SGMS1: variants seen among roughly 807,000 people sequenced by gnomAD.
SGMS1 encodes phosphatidylcholine:ceramide cholinephosphotransferase 1.
A neutral mutation model predicts 46.2 loss-of-function variants in SGMS1; 13 were observed. The observed-to-expected ratio is 0.28, with a 90% CI of 0.18 to 0.45. The LOEUF (loss-of-function observed/expected upper bound fraction) is 0.45, where lower values mean the gene tolerates loss of function less well. Ranked by LOEUF, SGMS1 falls within the 20% of genes least tolerant of loss-of-function variation. The pLI is 1.00. For synonymous variants in SGMS1, 203 were observed against 187.8 expected (o/e 1.08, Z -0.66); for missense variants, 324 against 519.9 (o/e 0.62, Z 3.66).
chr10:50,573,359 C>A (rs908866297), intron 2 of SGMS1, among the ~76,000 whole-genome samples: 5 of 152,150 alleles, frequency 3.3e-5, no homozygotes, highest in Admixed American at 6.5e-5. Context: ...TAAATGAATT[C>A]AATACAAAAA....
intron 3 of SGMS1, among the ~76,000 whole-genome samples, chr10:50,499,876 CA>C (rs1213536802): frequency 2.6e-5 from 4 of 152,186 alleles, no homozygotes; most frequent in Non-Finnish European, 5.9e-5. Flanking sequence ...ATCTAAAAAA[CA>C]AGCTTGATCA....
At chr10:50,544,450 G>A (rs1838082824) in intron 2 of SGMS1, among the ~76,000 whole-genome samples, 2 of 152,222 alleles carry the variant, frequency 1.3e-5, no homozygotes, top group Non-Finnish European at 2.9e-5. Flanking sequence ...ACAAGTTTAA[G>A]AGCCTTCTTT....
chr10:50,361,285 G>A (rs969495678), intron 6 of SGMS1, among the ~76,000 whole-genome samples: 1 of 152,072 alleles, frequency 6.6e-6, no homozygotes, highest in African/African-American at 2.4e-5. Flanking sequence ...ACAGACGAAC[G>A]AGGTCACCCT....
rs756016668 is a variant in SGMS1 at position 50,308,022 on chromosome 10, G to A, written c.1022C>T (p.Thr341Met). Residue 341 changes from threonine (T) to methionine (M), a missense_variant, in exon 10 of 11, where the codon ACG becomes ATG. Around this residue, in one of 2 missense-constraint regions of SGMS1, gnomAD observed 174 missense variants for 350.1 expected, o/e 0.50. Transcript: ENST00000361781. ...VDVVVAYYITTRLFWWYHTMA... is the reference protein window; with the variant it reads ...VDVVVAYYITMRLFWWYHTMA... ...AGTGTGATACCACCAGAAGAGTCTC[G>A]TGGTGATGTAATATGCCACCACCAC... The A allele has an allele frequency of 1.2e-6, 2 of 1,613,970 alleles. No individual in the cohort carries two copies. The highest frequency in any genetic ancestry group is 1.7e-6 in the Non-Finnish European group (2 of 1,179,942).
At chr10:50,462,048 GC>G (rs1166625485) in intron 4 of SGMS1, among the ~76,000 whole-genome samples, 1 of 152,100 alleles carries the variant, frequency 6.6e-6, no homozygotes, top group Admixed American at 6.5e-5. Flanking sequence ...GGTGGCTCAT[GC>G]CTATAATTGC....
At chr10:50,544,783 G>T (rs1838085895) in intron 2 of SGMS1, among the ~76,000 whole-genome samples, 1 of 152,116 alleles carries the variant, frequency 6.6e-6, no homozygotes, top group Non-Finnish European at 1.5e-5. Flanking sequence ...CACAGCATTG[G>T]TCTCAGAAAC....
intron 2 of SGMS1, among the ~76,000 whole-genome samples, chr10:50,520,246 C>T (rs1366133472): frequency 6.6e-6 from 1 of 151,892 alleles, no homozygotes; most frequent in Non-Finnish European, 1.5e-5. Flanking sequence ...TTAAAATAGC[C>T]AGATATGGTG....
chr10:50,369,243 A>G (rs577087872), intron 6 of SGMS1, among the ~76,000 whole-genome samples: 31 of 152,360 alleles, frequency 2.0e-4, no homozygotes, highest in African/African-American at 6.7e-4. Flanking sequence ...CACATCTGTA[A>G]TCTCAACACT....
At chr10:50,540,699 G>A (rs1017763558) in intron 2 of SGMS1, among the ~76,000 whole-genome samples, 5 of 152,326 alleles carry the variant, frequency 3.3e-5, no homozygotes, top group African/African-American at 4.8e-5. Flanking sequence ...GGGGGAACAC[G>A]GAGGGCTGGG....
intron 6 of SGMS1, among the ~76,000 whole-genome samples, chr10:50,407,012 C>T (rs1849024811): frequency 6.6e-6 from 1 of 152,178 alleles, no homozygotes; most frequent in East Asian, 1.9e-4. Context: ...AACTACCTCA[C>T]CTGGCCCTAA....
chr10:50,503,940 A>G (rs1419657068), intron 3 of SGMS1, among the ~76,000 whole-genome samples: 1 of 152,210 alleles, frequency 6.6e-6, no homozygotes, highest in Non-Finnish European at 1.5e-5. Context: ...GTACAGAGAA[A>G]AAATGAAGGC....
rs531812051 is a variant in SGMS1, at chr10:50,307,388, C to G, written c.1063-67G>C. The G allele has an allele frequency of 1.4e-6, 2 of 1,472,644 alleles. No individual in the cohort carries two copies. Among genetic ancestry groups the G allele is most frequent in the Non-Finnish European group, 1.9e-6 (2 of 1,079,428 alleles). The allele number at this position is 1,472,644 out of a possible 1,614,324, so 91.2% of individuals were successfully genotyped here. ...TCACTTTAAGTTCAAATACTTGCCA[C>G]GCTAAAATTCCCAAAGGACTCCATA... On this transcript the variant is annotated intron_variant, in intron 10 of 10. Transcript: ENST00000361781. The surrounding 1 kb of genome is among the most constrained non-coding windows in gnomAD (Gnocchi z 4.2).
chr10:50,448,447 A>G (rs1387348326), intron 5 of SGMS1, among the ~76,000 whole-genome samples: 2 of 152,144 alleles, frequency 1.3e-5, no homozygotes, highest in Non-Finnish European at 2.9e-5. Flanking sequence ...AAAAAGGGAA[A>G]TAAGAATGAA....
chr10:50,456,268 A>C (rs1837189804), intron 5 of SGMS1, among the ~76,000 whole-genome samples: 1 of 152,016 alleles, frequency 6.6e-6, no homozygotes, highest in South Asian at 2.1e-4. Context: ...TGATGGGACA[A>C]TAAGGAGGTC....
At chr10:50,345,101 A>C (rs60381888) in intron 6 of SGMS1, among the ~76,000 whole-genome samples, 25,992 of 150,696 alleles carry the variant, frequency 0.17, 2,376 homozygotes, top group East Asian at 0.27. Flanking sequence ...TTCAAAATCA[A>C]CTGGTTTAAT....
At chr10:50,371,666 A>G (rs1362730408) in intron 6 of SGMS1, among the ~76,000 whole-genome samples, 1 of 152,124 alleles carries the variant, frequency 6.6e-6, no homozygotes, top group East Asian at 1.9e-4. Flanking sequence ...CTTCCAGTCA[A>G]TATTCAGGCC....
chr10:50,388,803 C>A (rs1848722905), intron 6 of SGMS1, among the ~76,000 whole-genome samples: 1 of 152,012 alleles, frequency 6.6e-6, no homozygotes, highest in African/African-American at 2.4e-5. Flanking sequence ...AAACAAAACA[C>A]CTGATTATTA....
At chr10:50,431,011 G>A (rs1020527155) in intron 6 of SGMS1, among the ~76,000 whole-genome samples, 11 of 151,988 alleles carry the variant, frequency 7.2e-5, no homozygotes, top group African/African-American at 2.4e-4. Flanking sequence ...TTCTATACAA[G>A]GGATGTTTGG....
chr10:50,334,877 G>T (rs1321639339), intron 7 of SGMS1: 1 of 152,302 alleles, frequency 6.6e-6, no homozygotes, highest in Non-Finnish European at 1.5e-5. Context: ...TGGGGGAAGG[G>T]AGGTTAGAAT....
Sources: allele counts gnomAD v4.1 joint callset (sites outside exome capture counted in the v4.1 genomes callset), GRCh38; gene constraint gnomAD v4.1.1; regional missense constraint gnomAD v4.1.1; non-coding constraint Gnocchi (gnomAD v3.1); transcripts MANE v1.5; gene names NCBI Gene and HGNC (gene_info 2026-07-23, HGNC 2026-07-21).